Variants in SNTG1 observed in about 807,000 individuals in gnomAD.
SNTG1 encodes syntrophin gamma 1.
In SNTG1, 39 loss-of-function variants were observed where a neutral mutation model predicts 74.7. That is an observed-to-expected ratio of 0.52 (90% confidence interval 0.40 to 0.68). The LOEUF is 0.68. SNTG1 is among the 30% of genes least tolerant of loss of function. The pLI is 0.00. For missense variants in SNTG1, 685 were observed against 609.5 expected, an observed-to-expected ratio of 1.12 and a Z score of -1.30; for synonymous variants, 254 against 217.1, an observed-to-expected ratio of 1.17 and a Z score of -1.49.
intron 13 of SNTG1, among the ~76,000 whole-genome samples, chr8:50,627,379 C>G (rs1372919386): frequency 1.3e-5 from 2 of 152,186 alleles, no homozygotes; most frequent in Admixed American, 6.5e-5. Context: ...TGGGTCCTCT[C>G]TTGCTCATCT....
chr8:50,557,553 G>T (rs1475617319), intron 12 of SNTG1, among the ~76,000 whole-genome samples: 1 of 152,154 alleles, frequency 6.6e-6, no homozygotes, highest in Non-Finnish European at 1.5e-5. Flanking sequence ...TCTGGTGGCT[G>T]CCAGCATTCC....
chr8:50,633,040 A>G (rs1203507482), intron 13 of SNTG1, among the ~76,000 whole-genome samples: 5 of 152,334 alleles, frequency 3.3e-5, no homozygotes, highest in African/African-American at 1.2e-4. Context: ...AGAAATAAAG[A>G]TGAGGGCCTC....
chr8:49,910,732 G>C (rs1452072638), upstream of SNTG1, among the ~76,000 whole-genome samples: 1 of 152,194 alleles, frequency 6.6e-6, no homozygotes, highest in Non-Finnish European at 1.5e-5. Context: ...CAGCGTGGGA[G>C]ACCAGAGGGA....
chr8:50,729,926 C>T (rs544852852), intron 17 of SNTG1, among the ~76,000 whole-genome samples: 4 of 152,190 alleles, frequency 2.6e-5, no homozygotes, highest in South Asian at 4.1e-4. Flanking sequence ...AAAGGCAAAT[C>T]GGCAGCAGCA....
intron 2 of SNTG1, among the ~76,000 whole-genome samples, chr8:50,284,012 ATTT>A (rs2088621133): frequency 6.6e-6 from 1 of 152,036 alleles, no homozygotes; most frequent in East Asian, 1.9e-4. Context: ...CAGATTTCAG[ATTT>A]TAACTTAATG....
intron 2 of SNTG1, among the ~76,000 whole-genome samples, chr8:50,191,044 T>A (rs956040839): frequency 2.0e-5 from 3 of 152,188 alleles, no homozygotes; most frequent in African/African-American, 7.2e-5. Context: ...GGTCTTCTTT[T>A]TACATTTTAC....
intron 18 of SNTG1, among the ~76,000 whole-genome samples, chr8:50,769,745 T>C (rs1254311985): frequency 6.6e-6 from 1 of 152,036 alleles, no homozygotes; most frequent in East Asian, 1.9e-4. Flanking sequence ...ATATTAATAT[T>C]CACCAAATAA....
At chr8:49,989,344 C>T (rs1335223925) in intron 1 of SNTG1, among the ~76,000 whole-genome samples, 1 of 151,778 alleles carries the variant, frequency 6.6e-6, no homozygotes, top group Non-Finnish European at 1.5e-5. Context: ...AATTCAATAA[C>T]TTAAATGCAA....
intron 2 of SNTG1, among the ~76,000 whole-genome samples, chr8:50,236,031 G>A (rs2085873350): frequency 6.6e-6 from 1 of 152,168 alleles, no homozygotes; most frequent in Non-Finnish European, 1.5e-5. Context: ...AAAGAGCCGT[G>A]TAGTTGTCTC....
chr8:50,182,391 C>T (rs1321437431), intron 2 of SNTG1, among the ~76,000 whole-genome samples: 1 of 152,096 alleles, frequency 6.6e-6, no homozygotes, highest in Non-Finnish European at 1.5e-5. Context: ...ATTTTTATGA[C>T]ATGACATTAA....
At chr8:50,206,600 T>C (rs1294118230) in intron 2 of SNTG1, among the ~76,000 whole-genome samples, 2 of 152,222 alleles carry the variant, frequency 1.3e-5, no homozygotes, top group Non-Finnish European at 2.9e-5. Flanking sequence ...CTTCCAACAC[T>C]ATTTTGACTA....
At chr8:50,407,719 A>G (rs2131378139) in intron 4 of SNTG1, among the ~76,000 whole-genome samples, 1 of 152,350 alleles carries the variant, frequency 6.6e-6, no homozygotes, top group Non-Finnish European at 1.5e-5. Context: ...GAAGAGTTTA[A>G]TACTTGCAAG....
intron 13 of SNTG1, among the ~76,000 whole-genome samples, chr8:50,640,449 G>C (rs2095065518): frequency 1.3e-5 from 2 of 152,178 alleles, no homozygotes; most frequent in Non-Finnish European, 2.9e-5. Flanking sequence ...AGTGGTATCT[G>C]ATTTCATTTC....
intron 2 of SNTG1, among the ~76,000 whole-genome samples, chr8:50,218,813 T>C (rs1428398621): frequency 1.3e-5 from 2 of 152,180 alleles, no homozygotes; most frequent in Non-Finnish European, 2.9e-5. Context: ...ATATCCTCTT[T>C]ATGTAGAGTT....
intron 2 of SNTG1, among the ~76,000 whole-genome samples, chr8:50,373,302 T>C (rs1017111765): frequency 1.4e-4 from 21 of 152,256 alleles, no homozygotes; most frequent in Non-Finnish European, 1.5e-5. Context: ...ATACAGAAGT[T>C]AATTTAATGT....
At chr8:50,398,710 T>C (rs2131335066) in intron 3 of SNTG1, among the ~76,000 whole-genome samples, 1 of 152,274 alleles carries the variant, frequency 6.6e-6, no homozygotes, top group African/African-American at 2.4e-5. Flanking sequence ...GTGGATCACC[T>C]GAGGTCAGGC....
intron 1 of SNTG1, among the ~76,000 whole-genome samples, chr8:49,920,691 A>G (rs954323344): frequency 1.3e-5 from 2 of 152,042 alleles, no homozygotes; most frequent in Non-Finnish European, 2.9e-5. Flanking sequence ...ATCTTATACA[A>G]ACAGAGAGGT....
chr8:50,688,233 T>A (rs1479080130), intron 15 of SNTG1, among the ~76,000 whole-genome samples: 1 of 152,226 alleles, frequency 6.6e-6, no homozygotes, highest in Non-Finnish European at 1.5e-5. Flanking sequence ...GGTAGTTTCT[T>A]TTGCTGTGCA....
intron 16 of SNTG1, among the ~76,000 whole-genome samples, chr8:50,706,049 T>C (rs1355793031): frequency 6.6e-6 from 1 of 152,202 alleles, no homozygotes; most frequent in Non-Finnish European, 1.5e-5. Flanking sequence ...TGAACTGATT[T>C]CTATTTTCTG....
Sources: gnomAD v4.1 joint callset for allele counts (sites outside exome capture counted in the v4.1 genomes callset) on GRCh38, gnomAD v4.1.1 for gene constraint, MANE v1.5 for transcripts, NCBI Gene and HGNC (gene_info 2026-07-23, HGNC 2026-07-21) for gene names.